The following ZNF385D variants were observed in gnomAD, a reference collection of about 807,000 sequenced individuals.
ZNF385D encodes zinc finger protein 659.
In ZNF385D, 15 loss-of-function variants were observed where a neutral mutation model predicts 35.8. That is an observed-to-expected ratio of 0.42 (90% confidence interval 0.28 to 0.64). ZNF385D has a LOEUF of 0.64. Among genes scored for constraint, ZNF385D ranks in the 30% least tolerant of loss-of-function variants. The pLI is 0.23. For synonymous variants in ZNF385D, 212 were observed against 186.8 expected (o/e 1.13, Z -1.10); for missense variants, 474 against 494.6 (o/e 0.96, Z 0.39).
At position 21,936,006 on chromosome 3, in the gene ZNF385D, G is replaced by A. The variant is rs184139782; in HGVS notation, c.325+232811C>T. ...ATGAGAATTCTTAAGGAGAGAAATGGAAGATGAAAGCCATTTCATCTGGTC... is the reference window on the plus strand; with the variant it reads ...ATGAGAATTCTTAAGGAGAGAAATGAAAGATGAAAGCCATTTCATCTGGTC... On this transcript the variant is annotated intron_variant, in intron 3 of 5. Transcript: ENST00000494108. Among the ~76,000 whole-genome samples the A allele has an allele frequency of 3.6e-3, 543 of 152,170 alleles. 6 individuals are homozygous for A. The highest frequency in any genetic ancestry group is 0.017 in the Middle Eastern group (5 of 292).
intron 1 of ZNF385D, among the ~76,000 whole-genome samples, chr3:21,722,794 A>T (rs530491697): frequency 1.3e-5 from 2 of 152,240 alleles, no homozygotes; most frequent in Admixed American, 1.3e-4. Context: ...AGAACTTGCA[A>T]GTGACCCTGA....
chr3:21,727,787 C>T (rs1361034359), intron 1 of ZNF385D, among the ~76,000 whole-genome samples: 2 of 152,068 alleles, frequency 1.3e-5, no homozygotes, highest in African/African-American at 4.8e-5. Flanking sequence ...CCAGAAATAC[C>T]ATTTGATCCA....
At chr3:22,030,286 T>TATATCCTATACAAATAACAAATAGG (rs1559316617) in intron 3 of ZNF385D, among the ~76,000 whole-genome samples, 3 of 100,278 alleles carry the variant, frequency 3.0e-5, no homozygotes, top group African/African-American at 1.2e-4. Flanking sequence ...TATATATATA[T>TATATCCTATACAAATAACAAATAGG]ATATATATAT....
intron 2 of ZNF385D, among the ~76,000 whole-genome samples, chr3:22,331,766 T>A (rs908437310): frequency 2.6e-5 from 4 of 152,170 alleles, no homozygotes; most frequent in Non-Finnish European, 4.4e-5. Context: ...ATTCACCCGT[T>A]TGTTTTCAAA....
intron 3 of ZNF385D, among the ~76,000 whole-genome samples, chr3:22,082,071 A>T (rs1287602047): frequency 6.6e-6 from 1 of 150,470 alleles, no homozygotes; most frequent in Non-Finnish European, 1.5e-5. Flanking sequence ...CAGTGTTAAG[A>T]ATTTTCTTCT....
At chr3:21,926,281 C>T (rs79270865) in intron 3 of ZNF385D, among the ~76,000 whole-genome samples, 184 of 151,868 alleles carry the variant, frequency 1.2e-3, no homozygotes, top group African/African-American at 4.3e-3. Flanking sequence ...CTATCCCTCC[C>T]CTAGTCCCTC....
In ZNF385D at chr3:22,024,358, G is replaced by A. The variant is rs112556311; in HGVS notation, c.325+144459C>T. On this transcript the variant is annotated intron_variant, in intron 3 of 5. Transcript: ENST00000494108. ...GATAGGATACCTATATATCCTATTC[G>A]TTCTGTCCCTCTGAGAGAACCCTAA... Among the ~76,000 whole-genome samples, 141 of 152,032 alleles carry A rather than the reference G, an allele frequency of 9.3e-4. 1 individual carries two copies. The highest frequency in any genetic ancestry group is 3.3e-3 in the African/African-American group (135 of 41,476).
chr3:22,038,532 CATT>C (rs1184309345), intron 3 of ZNF385D, among the ~76,000 whole-genome samples: 1 of 151,914 alleles, frequency 6.6e-6, no homozygotes, highest in Non-Finnish European at 1.5e-5. Context: ...TTGTTGTCAT[CATT>C]ATCATTATAA....
intron 3 of ZNF385D, among the ~76,000 whole-genome samples, chr3:21,894,647 A>G (rs1575855850): frequency 6.6e-6 from 1 of 152,292 alleles, no homozygotes; most frequent in Non-Finnish European, 1.5e-5. Flanking sequence ...CTCTAAATTC[A>G]TGGTATATGG....
intron 5 of ZNF385D, among the ~76,000 whole-genome samples, chr3:21,434,574 A>G (rs1701460265): frequency 6.6e-6 from 1 of 152,186 alleles, no homozygotes; most frequent in Non-Finnish European, 1.5e-5. Context: ...AATCCTAGAC[A>G]TGGTGAGCCT....
At chr3:21,755,354 C>A (rs1487428126), upstream of ZNF385D, among the ~76,000 whole-genome samples, 5 of 152,182 alleles carry the variant, frequency 3.3e-5, no homozygotes, top group African/African-American at 9.7e-5. Context: ...CGTATTTTAT[C>A]CACCAAGGTC....
chr3:22,171,910 T>C (rs1189287041), intron 2 of ZNF385D, among the ~76,000 whole-genome samples: 2 of 149,688 alleles, frequency 1.3e-5, no homozygotes, highest in African/African-American at 5.0e-5. Flanking sequence ...AAATTATAGA[T>C]TTTGCAGGAA....
In ZNF385D at chr3:22,040,524, A is replaced by G. The variant is rs1054453985; in HGVS notation, c.325+128293T>C. Among the ~76,000 whole-genome samples, 3 of 152,216 alleles carry G rather than the reference A, an allele frequency of 2.0e-5. No individual in the cohort carries two copies. The East Asian group carries it at 5.8e-4, about 29-fold the overall frequency. On this transcript the variant is annotated intron_variant, in intron 3 of 5. Coordinates refer to the ZNF385D transcript ENST00000494108. ...TTTTGATTTTCTAAAATGGGGAAAA[A>G]TAAATTTCAGAAACTACACATTGAT...
chr3:22,278,917 G>A (rs774074755), intron 2 of ZNF385D, among the ~76,000 whole-genome samples: 5 of 150,606 alleles, frequency 3.3e-5, no homozygotes, highest in Non-Finnish European at 7.4e-5. Context: ...GTTTTCTCCT[G>A]CATCTCCCAC....
chr3:21,847,672 G>A (rs1696096648), intron 3 of ZNF385D, among the ~76,000 whole-genome samples: 1 of 151,900 alleles, frequency 6.6e-6, no homozygotes, highest in South Asian at 2.1e-4. Context: ...CCAAAATTAA[G>A]TGCATACTTT....
chr3:21,964,052 C>A lies in ZNF385D; in HGVS notation c.325+204765G>T, dbSNP rs113027519. Among the ~76,000 whole-genome samples, 559 of 152,116 alleles carry A rather than the reference C, an allele frequency of 3.7e-3. 3 individuals are homozygous for A. Among genetic ancestry groups the A allele is most frequent in the African/African-American group, 0.013 (535 of 41,486 alleles). On this transcript the variant is annotated intron_variant, in intron 3 of 5. Transcript: ENST00000494108. ...TGCGGGCAAAGTATTCTGCACAATG[C>A]TTTGGAATATAATAAAAGGTGGTTA...
chr3:21,632,449 C>T (rs556418952), intron 2 of ZNF385D, among the ~76,000 whole-genome samples: 102 of 152,060 alleles, frequency 6.7e-4, no homozygotes, highest in African/African-American at 2.2e-3. Flanking sequence ...TAGTTTAAAC[C>T]GTTGGGAAAT....
At chr3:22,276,950 T>C (rs1163985796) in intron 2 of ZNF385D, among the ~76,000 whole-genome samples, 2 of 152,102 alleles carry the variant, frequency 1.3e-5, no homozygotes, top group East Asian at 1.9e-4. Flanking sequence ...AACACATGCA[T>C]TCACTTAAGA....
intron 3 of ZNF385D, among the ~76,000 whole-genome samples, chr3:21,989,015 C>T (rs993333477): frequency 5.9e-5 from 9 of 152,224 alleles, no homozygotes; most frequent in South Asian, 2.1e-4. Flanking sequence ...CTTCGGCTCG[C>T]GCACGGTGCG....
Sources: allele counts gnomAD v4.1 joint callset (sites outside exome capture counted in the v4.1 genomes callset), GRCh38; gene constraint gnomAD v4.1.1; transcripts MANE v1.5; gene names NCBI Gene and HGNC (gene_info 2026-07-23, HGNC 2026-07-21).